The following CD2AP variants were observed in gnomAD, a reference collection of about 807,000 sequenced individuals.
CD2AP encodes the protein CD2 associated protein.
Under a neutral mutation model 85.1 loss-of-function variants are expected in CD2AP, and 46 were observed. That is an observed-to-expected ratio of 0.54 (90% CI 0.43 to 0.69). The LOEUF (loss-of-function observed/expected upper bound fraction) is 0.69. Among genes scored for constraint, CD2AP ranks in the 30% least tolerant of loss-of-function variants. The probability of loss-of-function intolerance (pLI) is 0.00; values close to 1 mark genes in which losing one functional copy is unlikely to be tolerated. For missense variants in CD2AP, 769 were observed against 729.5 expected, an observed-to-expected ratio of 1.05 and a Z score of -0.62; for synonymous variants, 255 against 252.9, an observed-to-expected ratio of 1.01 and a Z score of -0.08.
Position 47,579,382 on chromosome 6 carries a change from T to C in CD2AP, c.904-3T>C, listed in dbSNP as rs768016875. 2 of 1,591,910 alleles carry C rather than the reference T, an allele frequency of 1.3e-6. No homozygotes were observed. Among genetic ancestry groups the C allele is most frequent in the South Asian group, 1.1e-5 (1 of 90,604 alleles). ...GTCTTAATTATTCTATTTTGCTTTT[T>C]AGGAGACTGGAGAAGCTGGCTGGTG... On this transcript the variant is annotated splice_region_variant and splice_polypyrimidine_tract_variant and intron_variant, in intron 8 of 17. Coordinates refer to ENST00000359314, the MANE Select transcript of CD2AP (RefSeq NM_012120.3).
At chr6:47,584,919 A>G (rs1431148600) in intron 11 of CD2AP, among the ~76,000 whole-genome samples, 2 of 152,082 alleles carry the variant, frequency 1.3e-5, no homozygotes, top group Admixed American at 1.3e-4. Flanking sequence ...AAAAAAAATC[A>G]TGTCACCAGT....
chr6:47,564,444 A>G (rs1374230593), intron 5 of CD2AP, among the ~76,000 whole-genome samples: 1 of 152,162 alleles, frequency 6.6e-6, no homozygotes, highest in Non-Finnish European at 1.5e-5. Flanking sequence ...TTACTTTTAT[A>G]ATTATAAAAT....
intron 1 of CD2AP, 90 bp from the exon 2 acceptor site, chr6:47,503,190 A>G: frequency 8.1e-7 from 1 of 1,235,196 alleles, no homozygotes; most frequent in South Asian, 1.3e-5. Flanking sequence ...ATTGTTGCTA[A>G]ACAGATTCCT....
intron 1 of CD2AP, among the ~76,000 whole-genome samples, chr6:47,497,208 G>C (rs574521436): frequency 3.3e-5 from 5 of 149,470 alleles, no homozygotes; most frequent in Non-Finnish European, 7.4e-5. Flanking sequence ...TCCCCTTTTT[G>C]CTTTCCCCTT....
chr6:47,530,082 T>G (rs1766832911), intron 2 of CD2AP, among the ~76,000 whole-genome samples: 1 of 152,228 alleles, frequency 6.6e-6, no homozygotes, highest in Non-Finnish European at 1.5e-5. Flanking sequence ...AGATGTCACT[T>G]TCTCTGAGAA....
intron 5 of CD2AP, among the ~76,000 whole-genome samples, chr6:47,568,408 G>A (rs1015709036): frequency 2.0e-5 from 3 of 152,132 alleles, no homozygotes; most frequent in African/African-American, 7.2e-5. Context: ...TCGGATGTCT[G>A]TGCAAAACTG....
chr6:47,491,974 T>G (rs192191788), intron 1 of CD2AP, among the ~76,000 whole-genome samples: 329 of 152,328 alleles, frequency 2.2e-3, no homozygotes, highest in Non-Finnish European at 3.8e-3. Context: ...GTACTTTACT[T>G]TCTTTTACCT....
At chr6:47,535,769 A>G (rs1379073344) in intron 3 of CD2AP, among the ~76,000 whole-genome samples, 2 of 152,174 alleles carry the variant, frequency 1.3e-5, no homozygotes, top group African/African-American at 4.8e-5. Flanking sequence ...GAACCTCTAT[A>G]TAGAATGTCT....
rs1767850691 is a variant in CD2AP at position 47,561,182 on chromosome 6, T to C, written c.541+6416T>C. On this transcript the variant is annotated intron_variant, in intron 5 of 17. Transcript: ENST00000359314. ...ACAGTAATTGTGTCCCTTTAAAATA[T>C]ACAATCTGATGAGTTTGACAGATGT... 3.3e-5 allele frequency among the ~76,000 whole-genome samples: 5 copies of C among 152,370 alleles called. No homozygotes were observed. In the South Asian group the frequency reaches 1.0e-3, roughly 32 times the overall value.
intron 1 of CD2AP, 34 bp downstream of exon 1, chr6:47,478,282 G>A (rs749459476): frequency 3.8e-6 from 6 of 1,565,978 alleles, no homozygotes; most frequent in Admixed American, 3.8e-5. Context: ...CCGCCCGTCC[G>A]GACCTTCCAG....
At chr6:47,617,034 C>G (rs1769610887) in intron 17 of CD2AP, among the ~76,000 whole-genome samples, 1 of 152,124 alleles carries the variant, frequency 6.6e-6, no homozygotes, top group Non-Finnish European at 1.5e-5. Flanking sequence ...GTGACACAAT[C>G]ATAGCTCACT....
chr6:47,575,776 G>C (rs1768291377), intron 6 of CD2AP, among the ~76,000 whole-genome samples: 1 of 152,062 alleles, frequency 6.6e-6, no homozygotes, highest in African/African-American at 2.4e-5. Flanking sequence ...CTAGTAGACT[G>C]TAGCTATAAG....
rs753288248 is a variant in CD2AP at position 47,577,109 on chromosome 6, G to A, written c.903+6G>A. On this transcript the variant is annotated splice_donor_region_variant and intron_variant, in intron 8 of 17. Transcript: ENST00000359314. Reference sequence around the variant, plus strand: ...TAATCCATTTGATAAGTAAGGTAAGGTGTTTCTGTTTTTCAGTGAATTGCT... The same window carrying A: ...TAATCCATTTGATAAGTAAGGTAAGATGTTTCTGTTTTTCAGTGAATTGCT... 1 of 1,428,334 alleles carries A rather than the reference G, an allele frequency of 7.0e-7. No individual in the cohort carries two copies. Among genetic ancestry groups the A allele is most frequent in the Admixed American group, 1.7e-5 (1 of 59,722 alleles). 88.5% of individuals were successfully genotyped at this position (1,428,334 alleles called of 1,614,324 possible).
chr6:47,581,987 A>G lies in CD2AP; in HGVS notation c.1046-16A>G. On this transcript the variant is annotated splice_polypyrimidine_tract_variant and intron_variant, in intron 10 of 17. Coordinates refer to ENST00000359314, the MANE Select transcript of CD2AP (RefSeq NM_012120.3). ...AAACTGTCTTCTTAAAAAAGTATTA[A>G]TGTTTTTTCCCATAGCTCCAAAGCC... is the stretch of plus-strand genomic sequence containing the variant. The G allele has an allele frequency of 6.4e-7, 1 of 1,555,044 alleles. No homozygotes were observed. Among genetic ancestry groups the G allele is most frequent in the Non-Finnish European group, 8.9e-7 (1 of 1,126,506 alleles).
intron 2 of CD2AP, 39 bp from the exon 3 acceptor site, chr6:47,533,563 T>C (rs948498698): frequency 1.3e-6 from 2 of 1,590,848 alleles, no homozygotes; most frequent in African/African-American, 1.4e-5. Flanking sequence ...ATAAAAAATA[T>C]AACTTAACTT....
Position 47,478,125 on chromosome 6 carries a change from C to T in CD2AP, c.-120C>T. 2 of 1,324,060 alleles carry T rather than the reference C, an allele frequency of 1.5e-6. No individual in the cohort carries two copies. Among genetic ancestry groups the T allele is most frequent in the East Asian group, 2.5e-5 (1 of 39,772 alleles). The allele number at this position is 1,324,060 out of a possible 1,614,324, so 82.0% of individuals were successfully genotyped here. On this transcript the variant is annotated 5_prime_UTR_variant, in exon 1 of 18. Transcript: ENST00000359314. Reference sequence around the variant, plus strand: ...GGCGACTCTTCGCCCCGCCTGAGCTCAGGAGGGGCTAGCGCGGAGCGCGGG... The same window carrying T: ...GGCGACTCTTCGCCCCGCCTGAGCTTAGGAGGGGCTAGCGCGGAGCGCGGG...
At chr6:47,618,332 A>T (rs1354115015) in intron 17 of CD2AP, among the ~76,000 whole-genome samples, 2 of 152,146 alleles carry the variant, frequency 1.3e-5, no homozygotes, top group South Asian at 2.1e-4. Context: ...AAAAACGAGT[A>T]GTCTTCCAAA....
At chr6:47,590,802 A>G (rs888979006) in intron 11 of CD2AP, among the ~76,000 whole-genome samples, 5 of 152,270 alleles carry the variant, frequency 3.3e-5, no homozygotes, top group African/African-American at 1.2e-4. Context: ...ATGTTTTTCA[A>G]TTTTCTAAAA....
intron 2 of CD2AP, among the ~76,000 whole-genome samples, chr6:47,533,038 A>T (rs1174287228): frequency 6.6e-6 from 1 of 152,222 alleles, no homozygotes; most frequent in Non-Finnish European, 1.5e-5. Context: ...AAGACCCATG[A>T]GCTAAGAATG....
Sources: allele counts gnomAD v4.1 joint callset (sites outside exome capture counted in the v4.1 genomes callset), GRCh38; gene constraint gnomAD v4.1.1; transcripts MANE v1.5; gene names NCBI Gene and HGNC (gene_info 2026-07-23, HGNC 2026-07-21).